The following LRMDA variants were observed in gnomAD, a reference collection of about 807,000 sequenced individuals.
LRMDA encodes leucine-rich melanocyte differentiation-associated protein.
A neutral mutation model predicts 29.8 loss-of-function variants in LRMDA; 18 were observed. The ratio of observed to expected loss-of-function variants is 0.60; its 90% CI spans 0.42 to 0.90. The LOEUF (loss-of-function observed/expected upper bound fraction) is 0.90, where lower values mean the gene tolerates loss of function less well. Ranked by LOEUF, LRMDA falls within the 40% of genes least tolerant of loss-of-function variation. The probability of loss-of-function intolerance (pLI) is 0.00; values close to 1 mark genes in which losing one functional copy is unlikely to be tolerated. For missense variants in LRMDA, 273 were observed against 273.9 expected (o/e 1.00, Z 0.02); for synonymous variants, 125 against 109.4 (o/e 1.14, Z -0.89).
chr10:76,347,674 G>T (rs1841125802), intron 6 of LRMDA, among the ~76,000 whole-genome samples: 1 of 152,112 alleles, frequency 6.6e-6, no homozygotes, highest in South Asian at 2.1e-4. Context: ...TATGCTTGGT[G>T]TTATAAAACC....
At chr10:75,808,137 CT>C in intron 2 of LRMDA, among the ~76,000 whole-genome samples, 1 of 152,256 alleles carries the variant, frequency 6.6e-6, no homozygotes, top group East Asian at 1.9e-4. Context: ...CAGCCTCATT[CT>C]TTAGTGTGGG....
intron 6 of LRMDA, among the ~76,000 whole-genome samples, chr10:76,380,669 A>AT (rs988742061): frequency 5.6e-5 from 8 of 143,002 alleles, no homozygotes; most frequent in African/African-American, 1.9e-4. Context: ...ACTCCACTTC[A>AT]TAAAAAAAAA....
At chr10:75,459,861 T>A (rs1421405267) in intron 2 of LRMDA, among the ~76,000 whole-genome samples, 1 of 152,214 alleles carries the variant, frequency 6.6e-6, no homozygotes, top group East Asian at 1.9e-4. Context: ...CCTCAAGCCC[T>A]TTTATAATCT....
rs138137159 is a variant in LRMDA, at chr10:75,438,487, C to T, written c.124C>T (p.Leu42Phe). 2.5e-4 allele frequency: 389 copies of T among 1,550,516 alleles called. 4 individuals are homozygous for T. The East Asian group carries it at 4.3e-3, about 17-fold the overall frequency. Residue 42 changes from leucine to phenylalanine, a missense_variant, in exon 2 of 7, where the codon CTT becomes TTT. Leu to Phe is a conservative substitution (Grantham distance 22, BLOSUM62 0). Coordinates refer to ENST00000611255, the MANE Select transcript of LRMDA (RefSeq NM_001305581.2). ...FAKRLDLSFN[L>F]LRSLEGLSAF... ...AAAGAGGCTTGATCTGAGCTTTAAC[C>T]TTCTGAGGTATGTAACCTTCACAAG...
intron 3 of LRMDA, among the ~76,000 whole-genome samples, chr10:76,041,540 G>A (rs1415481128): frequency 2.0e-5 from 3 of 152,184 alleles, no homozygotes; most frequent in Non-Finnish European, 4.4e-5. Flanking sequence ...ATTAGCTGTG[G>A]TTAAAATCAT....
chr10:76,315,209 G>A (rs765276597), intron 5 of LRMDA, among the ~76,000 whole-genome samples: 2 of 152,222 alleles, frequency 1.3e-5, no homozygotes, highest in African/African-American at 2.4e-5. Context: ...TGGCAGCGGC[G>A]GCCTGTCTGG....
intron 2 of LRMDA, among the ~76,000 whole-genome samples, chr10:75,776,490 G>A (rs1843313415): frequency 6.6e-6 from 1 of 152,160 alleles, no homozygotes; most frequent in Non-Finnish European, 1.5e-5. Flanking sequence ...AGGTTCATGG[G>A]CCAGAAGGAA....
At position 76,310,540 on chromosome 10, in the gene LRMDA, A is replaced by T. The variant is rs550109840; in HGVS notation, c.517-13861A>T. ...TTTTCCATTCCCCTTTTCTCATTTC[A>T]CAAAGGAAACTACCATTTTGTTAGG... On this transcript the variant is annotated intron_variant, in intron 5 of 6. Transcript: ENST00000611255. Among the ~76,000 whole-genome samples the T allele has an allele frequency of 2.6e-5, 4 of 152,140 alleles. No homozygotes were observed. The South Asian group carries it at 8.3e-4, about 32-fold the overall frequency.
intron 2 of LRMDA, among the ~76,000 whole-genome samples, chr10:75,977,445 G>C (rs1420526675): frequency 6.6e-6 from 1 of 152,136 alleles, no homozygotes; most frequent in Non-Finnish European, 1.5e-5. Context: ...CTCTGTCCAG[G>C]GCATCTGGGG....
At chr10:75,959,686 G>C (rs73281417) in intron 2 of LRMDA, among the ~76,000 whole-genome samples, 2,655 of 152,102 alleles carry the variant, frequency 0.017, 60 homozygotes, top group African/African-American at 0.056. Context: ...ATGCATTACT[G>C]TACCTATATG....
chr10:75,782,689 A>G (rs1589198711), intron 2 of LRMDA: 1 of 1,206,178 alleles, frequency 8.3e-7, no homozygotes, highest in Non-Finnish European at 1.0e-6. Flanking sequence ...TTCCAAGTAG[A>G]GTCAACATAA....
intron 5 of LRMDA, among the ~76,000 whole-genome samples, chr10:76,195,875 G>C (rs1851323376): frequency 6.6e-6 from 1 of 152,152 alleles, no homozygotes; most frequent in African/African-American, 2.4e-5. Flanking sequence ...CTTCTTTTAG[G>C]ATAAAATATG....
At chr10:75,675,985 G>A (rs1841955483) in intron 2 of LRMDA, among the ~76,000 whole-genome samples, 1 of 152,196 alleles carries the variant, frequency 6.6e-6, no homozygotes, top group Admixed American at 6.5e-5. Context: ...AGAGATGGAA[G>A]GTTTTAAGAT....
chr10:75,632,759 G>GT (rs903868882), intron 2 of LRMDA, among the ~76,000 whole-genome samples: 2 of 73,208 alleles, frequency 2.7e-5, no homozygotes, highest in South Asian at 9.5e-4. Context: ...AGTGAGGTTA[G>GT]TTTTTTTGTT....
Position 75,782,903 on chromosome 10 carries a change from C to G in LRMDA, c.132-253105C>G, listed in dbSNP as rs370498242. ...GGAGTACCTGCTGTTGCTCTCATGC[C>G]TCTTGCCAACAGTGGCATCTGCTCA... On this transcript the variant is annotated intron_variant, in intron 2 of 6. Coordinates refer to ENST00000611255, the MANE Select transcript of LRMDA (RefSeq NM_001305581.2). The G allele has an allele frequency of 3.7e-6, 6 of 1,607,800 alleles. No individual in the cohort carries two copies. In the African/African-American group the frequency reaches 8.0e-5, roughly 21 times the overall value.
intron 5 of LRMDA, among the ~76,000 whole-genome samples, chr10:76,300,603 C>A (rs1840468690): frequency 1.3e-5 from 2 of 152,238 alleles, no homozygotes; most frequent in Non-Finnish European, 2.9e-5. Context: ...CAGATGAAAT[C>A]TCTTCCATCA....
chr10:75,643,433 T>C (rs1185223373), intron 2 of LRMDA, among the ~76,000 whole-genome samples: 2 of 152,230 alleles, frequency 1.3e-5, no homozygotes, highest in Non-Finnish European at 2.9e-5. Flanking sequence ...GGGAATGAGA[T>C]GGAAGCTACA....
rs539759952 is a variant in LRMDA at position 75,481,010 on chromosome 10, G to A, written c.131+42516G>A. 2.6e-5 allele frequency among the ~76,000 whole-genome samples: 4 copies of A among 152,228 alleles called. No individual in the cohort carries two copies. The East Asian group carries it at 7.7e-4, about 29-fold the overall frequency. On this transcript the variant is annotated intron_variant, in intron 2 of 6. Transcript: ENST00000611255. ...TGAAGGGGAAGCTGGGGAGGAACAGGGTTTTCAGGATGGAGGGGATGAGGG... is the reference window on the plus strand; with the variant it reads ...TGAAGGGGAAGCTGGGGAGGAACAGAGTTTTCAGGATGGAGGGGATGAGGG...
intron 6 of LRMDA, among the ~76,000 whole-genome samples, chr10:76,412,782 A>G (rs944028662): frequency 1.3e-5 from 2 of 152,100 alleles, no homozygotes; most frequent in Admixed American, 6.5e-5. Flanking sequence ...TGAAAACACC[A>G]TTCCTGCAAT....
Sources: gnomAD v4.1 joint callset for allele counts (sites outside exome capture counted in the v4.1 genomes callset) on GRCh38, gnomAD v4.1.1 for gene constraint, MANE v1.5 for transcripts, NCBI Gene and HGNC (gene_info 2026-07-23, HGNC 2026-07-21) for gene names.